Variants in RSU1 observed in about 807,000 individuals in gnomAD.
RSU1 encodes the protein rsu-1.
In RSU1, 26 loss-of-function variants were observed where a neutral mutation model predicts 31.1. The observed-to-expected ratio is 0.84, with a 90% CI of 0.61 to 1.16. The LOEUF is 1.16. Among genes scored for constraint, RSU1 ranks in the 50% most tolerant of loss-of-function variants. RSU1 has a pLI of 0.00. For missense variants in RSU1, 320 were observed against 339.1 expected, an observed-to-expected ratio of 0.94 and a Z score of 0.44; for synonymous variants, 164 against 136.3, an observed-to-expected ratio of 1.20 and a Z score of -1.41.
Position 16,673,497 on chromosome 10 carries a change from T to C in RSU1, c.731+21526A>G, listed in dbSNP as rs138685718. ...ACTGGGAGAATTTTTCTTAGCAATA[T>C]AGGAAATTAATTCCATCTGTGAGAA... On this transcript the variant is annotated intron_variant, in intron 8 of 8. Coordinates refer to ENST00000345264, the MANE Select transcript of RSU1 (RefSeq NM_012425.4). Among the ~76,000 whole-genome samples the C allele has an allele frequency of 8.3e-3, 1,260 of 152,356 alleles. 10 individuals carry two copies. Among genetic ancestry groups the C allele is most frequent in the East Asian group, 0.025 (129 of 5,188 alleles).
chr10:16,787,016 C>T (rs575660156), intron 2 of RSU1, among the ~76,000 whole-genome samples: 162 of 152,272 alleles, frequency 1.1e-3, no homozygotes, highest in Non-Finnish European at 1.7e-3. Context: ...CACCTGGACA[C>T]AGGGCCTGGG....
At chr10:16,606,169 G>C (rs745458242) in intron 8 of RSU1, among the ~76,000 whole-genome samples, 1 of 152,156 alleles carries the variant, frequency 6.6e-6, no homozygotes, top group Non-Finnish European at 1.5e-5. Flanking sequence ...ACAGTACCGT[G>C]ACCAGGGTGA....
At chr10:16,620,257 G>T (rs1034110557) in intron 8 of RSU1, among the ~76,000 whole-genome samples, 4 of 152,152 alleles carry the variant, frequency 2.6e-5, no homozygotes, top group Non-Finnish European at 5.9e-5. Context: ...TGCACTTTAA[G>T]TATCTTGAAA....
intron 7 of RSU1, among the ~76,000 whole-genome samples, chr10:16,700,883 T>C (rs1461836790): frequency 6.6e-6 from 1 of 152,250 alleles, no homozygotes; most frequent in Non-Finnish European, 1.5e-5. Flanking sequence ...GAGGGAGGTC[T>C]GTAACTATAA....
At chr10:16,783,112 T>C (rs958647528) in intron 2 of RSU1, among the ~76,000 whole-genome samples, 20 of 151,962 alleles carry the variant, frequency 1.3e-4, no homozygotes, top group Admixed American at 1.2e-3. Flanking sequence ...GTTCTCGTTA[T>C]TTTGCCCAGG....
At chr10:16,781,805 G>C (rs959434044) in intron 3 of RSU1, among the ~76,000 whole-genome samples, 3 of 152,022 alleles carry the variant, frequency 2.0e-5, no homozygotes, top group African/African-American at 4.8e-5. Context: ...TGGGTAACAC[G>C]GCAAGACCTT....
At chr10:16,817,159 C>G (rs1838557498) in intron 1 of RSU1, 75 bp from the exon 2 acceptor site, 1 of 1,058,376 alleles carries the variant, frequency 9.4e-7, no homozygotes, top group South Asian at 1.3e-5. Context: ...GCCTTCGCTG[C>G]CACTCTGAGG....
At chr10:16,659,367 T>C (rs1834847816) in intron 8 of RSU1, among the ~76,000 whole-genome samples, 1 of 151,700 alleles carries the variant, frequency 6.6e-6, no homozygotes, top group Non-Finnish European at 1.5e-5. Context: ...TTAAAACCTT[T>C]CTGTTGGTGA....
intron 2 of RSU1, among the ~76,000 whole-genome samples, chr10:16,795,476 T>A (rs1029917592): frequency 6.6e-6 from 1 of 152,170 alleles, no homozygotes; most frequent in African/African-American, 2.4e-5. Flanking sequence ...TTCACCTATT[T>A]CTCACGATAA....
intron 8 of RSU1, among the ~76,000 whole-genome samples, chr10:16,677,463 T>A (rs1181987553): frequency 2.0e-5 from 3 of 152,046 alleles, no homozygotes; most frequent in Non-Finnish European, 4.4e-5. Context: ...AAGTTGGGAG[T>A]AGCTGACTTT....
At chr10:16,721,412 C>G (rs1320181527) in intron 7 of RSU1, 1 of 152,300 alleles carries the variant, frequency 6.6e-6, no homozygotes, top group Non-Finnish European at 1.5e-5. Context: ...TTTACCTGGA[C>G]ACACCAAGAA....
chr10:16,695,101 C>T lies in RSU1; in HGVS notation c.653G>A (p.Trp218Ter). The T allele has an allele frequency of 6.2e-7, 1 of 1,608,110 alleles. No homozygotes were observed. Among genetic ancestry groups the T allele is most frequent in the Non-Finnish European group, 8.5e-7 (1 of 1,178,436 alleles). ...GAACTGGTCTGCAATGGGGGTCACC[C>T]AGGGATTGTTCTCTGCTTTGAATAC... ...KQVFKAENNP[W>*]VTPIADQFQL... Residue 218 changes from tryptophan to a stop codon, truncating the protein, a stop_gained, in exon 8 of 9, where the codon TGG becomes TAG. Coordinates refer to ENST00000345264, the MANE Select transcript of RSU1 (RefSeq NM_012425.4). LOFTEE classifies it high-confidence loss of function.
At chr10:16,718,595 G>A (rs953459951) in intron 7 of RSU1, among the ~76,000 whole-genome samples, 5 of 151,456 alleles carry the variant, frequency 3.3e-5, no homozygotes, top group Admixed American at 3.3e-4. Context: ...GCACATCTTA[G>A]GAGAAACAAA....
chr10:16,606,414 C>T (rs898742149), intron 8 of RSU1, among the ~76,000 whole-genome samples: 3 of 152,084 alleles, frequency 2.0e-5, no homozygotes, highest in Admixed American at 2.0e-4. Context: ...ACAGGTACAA[C>T]TCACCAGGCC....
chr10:16,621,511 T>C (rs1372889702), intron 8 of RSU1, among the ~76,000 whole-genome samples: 2 of 152,212 alleles, frequency 1.3e-5, no homozygotes. Flanking sequence ...TGTATTAGTC[T>C]GTTCTCACAC....
intron 3 of RSU1, among the ~76,000 whole-genome samples, chr10:16,777,888 G>A (rs958553291): frequency 5.3e-5 from 8 of 152,122 alleles, no homozygotes; most frequent in African/African-American, 1.7e-4. Context: ...GCATCTGAGC[G>A]GTCATGAAAA....
chr10:16,689,019 A>G (rs1252325541), intron 8 of RSU1, among the ~76,000 whole-genome samples: 1 of 150,860 alleles, frequency 6.6e-6, no homozygotes, highest in Non-Finnish European at 1.5e-5. Flanking sequence ...AAGGAAAAAA[A>G]AAAAAAGCTT....
At chr10:16,608,424 A>G (rs1243638583) in intron 8 of RSU1, among the ~76,000 whole-genome samples, 1 of 149,386 alleles carries the variant, frequency 6.7e-6, no homozygotes, top group Non-Finnish European at 1.5e-5. Context: ...GCTACCTACT[A>G]CCTACATGTG....
chr10:16,798,171 G>A (rs1484248317), intron 2 of RSU1, among the ~76,000 whole-genome samples: 1 of 152,016 alleles, frequency 6.6e-6, no homozygotes, highest in Non-Finnish European at 1.5e-5. Context: ...ACAAAGAAAT[G>A]AAGCAAGAAC....
Sources: allele counts gnomAD v4.1 joint callset (sites outside exome capture counted in the v4.1 genomes callset), GRCh38; gene constraint gnomAD v4.1.1; transcripts MANE v1.5; gene names NCBI Gene and HGNC (gene_info 2026-07-23, HGNC 2026-07-21).